Variants in BNC2 observed in about 807,000 individuals in gnomAD.
BNC2 encodes the protein zinc finger protein basonuclin-2.
In BNC2, 20 loss-of-function variants were observed where a neutral mutation model predicts 76.3. The observed-to-expected ratio is 0.26, with a 90% confidence interval of 0.18 to 0.38. The LOEUF (loss-of-function observed/expected upper bound fraction) is 0.38, where lower values mean the gene tolerates loss of function less well. Among genes scored for constraint, BNC2 ranks in the 10% least tolerant of loss-of-function variants. The pLI, the probability that BNC2 is intolerant of heterozygous loss-of-function variation, is 1.00. For synonymous variants in BNC2, 582 were observed against 514.8 expected (o/e 1.13, Z -1.77); for missense variants, 1,382 against 1,399.8 (o/e 0.99, Z 0.20).
intron 3 of BNC2, among the ~76,000 whole-genome samples, chr9:16,594,957 A>G (rs1402703695): frequency 6.6e-6 from 1 of 152,148 alleles, no homozygotes; most frequent in Admixed American, 6.6e-5. Context: ...ACAAAAAGGG[A>G]GAGGGATGGG....
chr9:16,648,417 C>T (rs1024340070), intron 3 of BNC2, among the ~76,000 whole-genome samples: 2 of 152,180 alleles, frequency 1.3e-5, no homozygotes, highest in Non-Finnish European at 2.9e-5. Context: ...TGATTGAGAA[C>T]ACATCCAGGT....
chr9:16,489,195 A>G (rs1332571193), intron 5 of BNC2, among the ~76,000 whole-genome samples: 3 of 152,208 alleles, frequency 2.0e-5, no homozygotes, highest in Admixed American at 6.5e-5. Flanking sequence ...AAAATTTGTC[A>G]GTATTTTAAA....
chr9:16,675,190 C>G (rs1258370376), intron 3 of BNC2, among the ~76,000 whole-genome samples: 1 of 152,146 alleles, frequency 6.6e-6, no homozygotes, highest in Non-Finnish European at 1.5e-5. Flanking sequence ...TGAGGTCTAA[C>G]TGATATTTAC....
chr9:16,425,905 G>A (rs1164150374), intron 6 of BNC2, among the ~76,000 whole-genome samples: 3 of 152,228 alleles, frequency 2.0e-5, no homozygotes, highest in Non-Finnish European at 4.4e-5. Context: ...GTGTAGAATT[G>A]ATATCCAGCA....
At chr9:16,558,915 C>T (rs1276682738) in intron 4 of BNC2, among the ~76,000 whole-genome samples, 2 of 138,598 alleles carry the variant, frequency 1.4e-5, no homozygotes, top group Non-Finnish European at 3.0e-5. Context: ...GCCTGGGTGA[C>T]AGAGCAAGAC....
In BNC2 at chr9:16,409,807, A is replaced by T. The variant is rs1249516752; in HGVS notation, c.*9182T>A. ...AAGCTACCAACGTCACAATGATTAG[A>T]TCAGGGTGATGCACACTGTCCCATC... On this transcript the variant is annotated 3_prime_UTR_variant, in exon 7 of 7. Transcript: ENST00000380672. The T allele has an allele frequency of 1.4e-5, 2 of 148,080 alleles. No homozygotes were observed. The highest frequency in any genetic ancestry group is 4.9e-5 in the African/African-American group (2 of 41,128). The allele number at this position is 148,080 out of a possible 1,614,324, so 9.2% of individuals were successfully genotyped here.
At position 16,788,796 on chromosome 9, in the gene BNC2, T is replaced by C. The variant is rs559447876; in HGVS notation, c.4-50311A>G. Among the ~76,000 whole-genome samples the C allele has an allele frequency of 3.5e-4, 54 of 152,238 alleles. 2 individuals carry two copies. In the South Asian group the frequency reaches 9.8e-3, roughly 27 times the overall value. ...TGCCTCACACCCTGCCAAGGTTGAC[T>C]TGCAGGACAATCCCACACTCCTCAG... On this transcript the variant is annotated intron_variant, in intron 1 of 6. Coordinates refer to ENST00000380672, the MANE Select transcript of BNC2 (RefSeq NM_017637.6).
Position 16,495,712 on chromosome 9 carries a change from A to G in BNC2, c.669+56818T>C, listed in dbSNP as rs906593812. Among the ~76,000 whole-genome samples, 15 of 152,268 alleles carry G rather than the reference A, an allele frequency of 9.9e-5. No homozygotes were observed. The South Asian group carries it at 3.1e-3, about 32-fold the overall frequency. ...GCTCAACATGAGCTTGCTAGGGCCC[A>G]GTGGCTGGGGCTTAGAAATCTGCAC... is the stretch of plus-strand genomic sequence containing the variant. On this transcript the variant is annotated intron_variant, in intron 5 of 6. Coordinates refer to ENST00000380672, the MANE Select transcript of BNC2 (RefSeq NM_017637.6).
intron 3 of BNC2, among the ~76,000 whole-genome samples, chr9:16,643,481 T>A (rs1821545018): frequency 6.6e-6 from 1 of 152,040 alleles, no homozygotes; most frequent in South Asian, 2.1e-4. Context: ...TGGCTATACA[T>A]TTGAATCACC....
rs1821992974 is a variant in BNC2 at position 16,479,218 on chromosome 9, C to A, written c.670-41694G>T. Reference sequence around the variant, plus strand: ...AGTGAGCCCACTGCGCCACTGTACTCCAGCCTGGGCGACAGAACGAGACTC... The same window carrying A: ...AGTGAGCCCACTGCGCCACTGTACTACAGCCTGGGCGACAGAACGAGACTC... On this transcript the variant is annotated intron_variant, in intron 5 of 6. Coordinates refer to ENST00000380672, the MANE Select transcript of BNC2 (RefSeq NM_017637.6). Among the ~76,000 whole-genome samples, 9 of 149,228 alleles carry A rather than the reference C, an allele frequency of 6.0e-5. No individual in the cohort carries two copies. The South Asian group carries it at 1.9e-3, about 32-fold the overall frequency.
At chr9:16,643,127 G>A (rs1248978948) in intron 3 of BNC2, among the ~76,000 whole-genome samples, 2 of 151,912 alleles carry the variant, frequency 1.3e-5, no homozygotes, top group African/African-American at 4.8e-5. Flanking sequence ...ATATAGAGCT[G>A]GCATTAATTT....
At position 16,863,821 on chromosome 9, in the gene BNC2, T is replaced by A. The variant is rs1214986156; in HGVS notation, c.3+6825A>T. Reference sequence around the variant, plus strand: ...AGTCATTAACATATTTGAAAAGTTATTGGAGAACCCCAAAAGAGTTTGGAA... The same window carrying A: ...AGTCATTAACATATTTGAAAAGTTAATGGAGAACCCCAAAAGAGTTTGGAA... On this transcript the variant is annotated intron_variant, in intron 1 of 6. Coordinates refer to ENST00000380672, the MANE Select transcript of BNC2 (RefSeq NM_017637.6). 2.0e-5 allele frequency among the ~76,000 whole-genome samples: 3 copies of A among 152,230 alleles called. No homozygotes were observed. In the East Asian group the frequency reaches 5.8e-4, roughly 29 times the overall value.
chr9:16,853,073 T>G (rs1419889870), intron 1 of BNC2, among the ~76,000 whole-genome samples: 1 of 151,562 alleles, frequency 6.6e-6, no homozygotes, highest in African/African-American at 2.4e-5. Flanking sequence ...CTTCTAGGAG[T>G]AGTGGGAGGA....
intron 1 of BNC2, among the ~76,000 whole-genome samples, chr9:16,828,226 C>A (rs1402715857): frequency 1.3e-5 from 2 of 151,468 alleles, no homozygotes; most frequent in Non-Finnish European, 2.9e-5. Context: ...ATAACTGTGC[C>A]CAAAAAAAAA....
At chr9:16,807,273 T>A (rs1366791894) in intron 1 of BNC2, among the ~76,000 whole-genome samples, 1 of 152,204 alleles carries the variant, frequency 6.6e-6, no homozygotes, top group Non-Finnish European at 1.5e-5. Flanking sequence ...TTAAATGTTA[T>A]CTACAGAAAG....
intron 1 of BNC2, among the ~76,000 whole-genome samples, chr9:16,834,598 T>G (rs527905627): frequency 6.6e-6 from 1 of 152,206 alleles, no homozygotes; most frequent in African/African-American, 2.4e-5. Flanking sequence ...GAGACATGCA[T>G]CTTGAAGCCA....
intron 2 of BNC2, among the ~76,000 whole-genome samples, chr9:16,737,650 T>A (rs1824716294): frequency 6.6e-6 from 1 of 151,928 alleles, no homozygotes; most frequent in East Asian, 1.9e-4. Context: ...ACTATTTATA[T>A]ACATACATAT....
intron 3 of BNC2, 188 bp downstream of exon 3, chr9:16,727,609 C>T: frequency 1.6e-6 from 1 of 607,590 alleles, no homozygotes; most frequent in South Asian, 2.1e-5. Flanking sequence ...TTAAGACGCC[C>T]TTAGGGAAAC....
At chr9:16,573,240 GAA>G (rs1819380605) in intron 4 of BNC2, among the ~76,000 whole-genome samples, 1 of 142,720 alleles carries the variant, frequency 7.0e-6, no homozygotes, top group South Asian at 2.2e-4. Context: ...AAAAAAAACA[GAA>G]AAAGAAAAAG....
Sources: gnomAD v4.1 joint callset for allele counts (sites outside exome capture counted in the v4.1 genomes callset) on GRCh38, gnomAD v4.1.1 for gene constraint, MANE v1.5 for transcripts, NCBI Gene and HGNC (gene_info 2026-07-23, HGNC 2026-07-21) for gene names.